The following RSPO3 variants were observed in gnomAD, a reference collection of about 807,000 sequenced individuals.
RSPO3 encodes the protein R-spondin 3.
A neutral mutation model predicts 36.5 loss-of-function variants in RSPO3; 17 were observed. The ratio of observed to expected loss-of-function variants is 0.47; its 90% CI spans 0.32 to 0.70. The LOEUF is 0.70. Among genes scored for constraint, RSPO3 ranks in the 30% least tolerant of loss-of-function variants. RSPO3 has a pLI of 0.04. For synonymous variants in RSPO3, 108 were observed against 107.0 expected, an observed-to-expected ratio of 1.01 and a Z score of -0.06; for missense variants, 294 against 322.5, an observed-to-expected ratio of 0.91 and a Z score of 0.68.
At chr6:127,125,256 C>T (rs1376477278) in intron 1 of RSPO3, among the ~76,000 whole-genome samples, 1 of 152,104 alleles carries the variant, frequency 6.6e-6, no homozygotes, top group African/African-American at 2.4e-5. Context: ...CTTCAAAACA[C>T]CGCCTTATTA....
chr6:127,151,347 T>C (rs1774487266), intron 3 of RSPO3, among the ~76,000 whole-genome samples: 1 of 152,014 alleles, frequency 6.6e-6, no homozygotes, highest in South Asian at 2.1e-4. Flanking sequence ...TTTCAATCTT[T>C]TAAACGTTGT....
At chr6:127,148,453 T>G (rs1325283631) in intron 1 of RSPO3, among the ~76,000 whole-genome samples, 195 bp from the exon 2 acceptor site, 1 of 151,882 alleles carries the variant, frequency 6.6e-6, no homozygotes, top group East Asian at 1.9e-4. Context: ...TTAAGAACTT[T>G]GAAATTAAAA....
intron 4 of RSPO3, among the ~76,000 whole-genome samples, chr6:127,168,349 G>T (rs1289432269): frequency 6.6e-6 from 1 of 150,944 alleles, no homozygotes; most frequent in Middle Eastern, 3.2e-3. Context: ...TTCTCTGATG[G>T]CCAGTGATGA....
rs145694321 is a variant in RSPO3, at chr6:127,122,351, A to G, written c.97+3062A>G. 7.9e-5 allele frequency among the ~76,000 whole-genome samples: 12 copies of G among 152,344 alleles called. No homozygotes were observed. In the East Asian group the frequency reaches 2.3e-3, roughly 29 times the overall value. On this transcript the variant is annotated intron_variant, in intron 1 of 4. Transcript: ENST00000356698. ...GTATACAGCTCTTAAAAATGACTCA[A>G]CCTTTGAATTCCAGATTGTGTGCTA...
chr6:127,167,094 A>G (rs141645449), intron 4 of RSPO3, among the ~76,000 whole-genome samples: 4,053 of 151,888 alleles, frequency 0.027, 78 homozygotes, highest in Non-Finnish European at 0.04. Context: ...CTTTTTTTAT[A>G]TTACTGATAT....
chr6:127,140,543 T>C (rs562858334), intron 1 of RSPO3, among the ~76,000 whole-genome samples: 2 of 152,198 alleles, frequency 1.3e-5, no homozygotes, highest in Non-Finnish European at 2.9e-5. Context: ...TTTCATCTAA[T>C]ATACAAGTTA....
chr6:127,144,719 A>G (rs1182646342), intron 1 of RSPO3, among the ~76,000 whole-genome samples: 1 of 140,446 alleles, frequency 7.1e-6, no homozygotes, highest in Non-Finnish European at 1.5e-5. Context: ...GCTCACTTTA[A>G]CCTCCAACTC....
chr6:127,178,353 A>G (rs1308328135), intron 4 of RSPO3, among the ~76,000 whole-genome samples: 1 of 151,746 alleles, frequency 6.6e-6, no homozygotes, highest in Non-Finnish European at 1.5e-5. Context: ...TAAAAATAGA[A>G]GTCAGGTTAA....
chr6:127,151,701 A>G (rs1348354844), intron 3 of RSPO3, among the ~76,000 whole-genome samples: 1 of 152,110 alleles, frequency 6.6e-6, no homozygotes, highest in Non-Finnish European at 1.5e-5. Flanking sequence ...ATAATTTTAG[A>G]AGCATCTGGA....
chr6:127,159,908 C>T (rs1239339444), intron 4 of RSPO3, among the ~76,000 whole-genome samples: 3 of 152,046 alleles, frequency 2.0e-5, no homozygotes, highest in East Asian at 1.9e-4. Flanking sequence ...CTCAGCCTCC[C>T]GAAGTGCTGG....
At chr6:127,168,453 G>C (rs1259678085) in intron 4 of RSPO3, among the ~76,000 whole-genome samples, 2 of 151,960 alleles carry the variant, frequency 1.3e-5, no homozygotes, top group African/African-American at 4.8e-5. Context: ...GGGGTTGTTT[G>C]ACTTTTTCTT....
Position 127,155,331 on chromosome 6 carries a change from T to G in RSPO3, c.527T>G (p.Val176Gly). 6.2e-7 allele frequency: 1 copy of G among 1,613,750 alleles called. No homozygotes were observed. The highest frequency in any genetic ancestry group is 8.5e-7 in the Non-Finnish European group (1 of 1,179,882). ...TTCAAAAGAGGGACTGAAACACGGG[T>G]CCGAGAAATAATACAGCATCCTTCA... ...CGFKRGTETR[V>G]REIIQHPSAK... The change falls in exon 4 of 5, where the codon GTC becomes GGC. Residue 176 changes from valine to glycine, a missense_variant. Coordinates refer to ENST00000356698, the MANE Select transcript of RSPO3 (RefSeq NM_032784.5).
At chr6:127,186,364 C>A (rs1775294270) in intron 4 of RSPO3, among the ~76,000 whole-genome samples, 2 of 152,102 alleles carry the variant, frequency 1.3e-5, no homozygotes, top group Admixed American at 1.3e-4. Context: ...TAAAAGCTAA[C>A]TTTCACTATG....
At chr6:127,173,107 CTTA>C (rs1439447727) in intron 4 of RSPO3, among the ~76,000 whole-genome samples, 1 of 151,738 alleles carries the variant, frequency 6.6e-6, no homozygotes, top group East Asian at 1.9e-4. Flanking sequence ...ACCATTATTT[CTTA>C]TTAATGATAT....
chr6:127,141,440 GT>G (rs1272829893), intron 1 of RSPO3, among the ~76,000 whole-genome samples: 1 of 152,050 alleles, frequency 6.6e-6, no homozygotes, highest in Non-Finnish European at 1.5e-5. Context: ...TTAATGTTAG[GT>G]TTGTTTTATT....
At chr6:127,179,962 TC>T in intron 4 of RSPO3, among the ~76,000 whole-genome samples, 1 of 151,868 alleles carries the variant, frequency 6.6e-6, no homozygotes, top group Non-Finnish European at 1.5e-5. Flanking sequence ...TTCCAGATAA[TC>T]TCTGCATCTC....
At chr6:127,153,336 T>C (rs1774527802) in intron 3 of RSPO3, among the ~76,000 whole-genome samples, 1 of 152,090 alleles carries the variant, frequency 6.6e-6, no homozygotes, top group Non-Finnish European at 1.5e-5. Context: ...TTTAGCACTT[T>C]TTTTTTTCAG....
At chr6:127,165,406 C>A (rs574582801) in intron 4 of RSPO3, among the ~76,000 whole-genome samples, 13 of 152,116 alleles carry the variant, frequency 8.5e-5, no homozygotes, top group Non-Finnish European at 1.3e-4. Context: ...CAGCCAACAG[C>A]AAAATCATGA....
At chr6:127,189,124 T>C (rs766428472) in intron 4 of RSPO3, among the ~76,000 whole-genome samples, 29 of 152,142 alleles carry the variant, frequency 1.9e-4, no homozygotes, top group African/African-American at 7.0e-4. Context: ...TGTTGAATTG[T>C]AGTTATAATT....
Sources: gnomAD v4.1 joint callset for allele counts (sites outside exome capture counted in the v4.1 genomes callset) on GRCh38, gnomAD v4.1.1 for gene constraint, MANE v1.5 for transcripts, NCBI Gene and HGNC (gene_info 2026-07-23, HGNC 2026-07-21) for gene names.